The following PCSK5 variants were observed in gnomAD, a reference collection of about 807,000 sequenced individuals.
PCSK5 encodes prohormone convertase 5.
A neutral mutation model predicts 233.2 loss-of-function variants in PCSK5; 129 were observed. The ratio of observed to expected loss-of-function variants is 0.55; its 90% CI spans 0.48 to 0.64. PCSK5 has a LOEUF of 0.64. Among genes scored for constraint, PCSK5 ranks in the 30% least tolerant of loss-of-function variants. The pLI is 0.00. For synonymous variants in PCSK5, 825 were observed against 879.2 expected (o/e 0.94, Z 1.09); for missense variants, 2,076 against 2,430.1 (o/e 0.85, Z 3.06).
At chr9:76,320,606 T>C (rs1829169527) in intron 30 of PCSK5, among the ~76,000 whole-genome samples, 1 of 149,642 alleles carries the variant, frequency 6.7e-6, no homozygotes, top group African/African-American at 2.5e-5. Flanking sequence ...CCCGAGTAGC[T>C]GGGACTACAG....
chr9:75,947,722 GAAGA>G (rs949322367), intron 2 of PCSK5, among the ~76,000 whole-genome samples: 10 of 152,270 alleles, frequency 6.6e-5, no homozygotes, highest in African/African-American at 2.4e-4. Flanking sequence ...AGAGAAAAAA[GAAGA>G]TAGAAACTTT....
chr9:76,066,978 G>A (rs1179092539), intron 5 of PCSK5, among the ~76,000 whole-genome samples: 2 of 152,166 alleles, frequency 1.3e-5, no homozygotes, highest in African/African-American at 4.8e-5. Flanking sequence ...CATTAGCAAT[G>A]ACAGATAAAC....
intron 7 of PCSK5, among the ~76,000 whole-genome samples, chr9:76,075,197 G>A (rs530892173): frequency 6.6e-6 from 1 of 151,866 alleles, no homozygotes; most frequent in South Asian, 2.1e-4. Flanking sequence ...TCCAGCCTGG[G>A]CAACAGAGTA....
At chr9:75,892,155 G>A (rs915689958) in intron 1 of PCSK5, among the ~76,000 whole-genome samples, 1 of 152,180 alleles carries the variant, frequency 6.6e-6, no homozygotes, top group Non-Finnish European at 1.5e-5. Context: ...CGTGGGGCGA[G>A]AGTTGGGCAG....
intron 23 of PCSK5, among the ~76,000 whole-genome samples, chr9:76,239,573 A>T (rs71509859): frequency 0.13 from 20,167 of 151,574 alleles, 1,452 homozygotes; most frequent in African/African-American, 0.17. Flanking sequence ...TTGCATGCCT[A>T]TAATCCCAGC....
intron 35 of PCSK5, among the ~76,000 whole-genome samples, chr9:76,339,561 T>C (rs1202485650): frequency 6.6e-6 from 1 of 152,186 alleles, no homozygotes; most frequent in Non-Finnish European, 1.5e-5. Flanking sequence ...TTTGTTTGTT[T>C]TGAGATGGAG....
At chr9:76,204,680 A>C (rs1210297673) in intron 20 of PCSK5, among the ~76,000 whole-genome samples, 1 of 152,008 alleles carries the variant, frequency 6.6e-6, no homozygotes, top group Non-Finnish European at 1.5e-5. Flanking sequence ...GCAGGAGTGC[A>C]TTTGCTTTTT....
At chr9:76,063,348 T>TTTTTA (rs1564004101) in intron 5 of PCSK5, among the ~76,000 whole-genome samples, 1 of 90,714 alleles carries the variant, frequency 1.1e-5, no homozygotes, top group African/African-American at 4.6e-5. Flanking sequence ...TTTTTTTTTT[T>TTTTTA]ATTGATAATT....
At chr9:76,178,278 C>T (rs1823703824) in intron 14 of PCSK5, among the ~76,000 whole-genome samples, 2 of 152,148 alleles carry the variant, frequency 1.3e-5, no homozygotes, top group Admixed American at 6.5e-5. Flanking sequence ...GCAGTGCTGT[C>T]AAATGACTCT....
intron 33 of PCSK5, among the ~76,000 whole-genome samples, chr9:76,329,027 C>A (rs1829453568): frequency 6.8e-6 from 1 of 148,116 alleles, no homozygotes; most frequent in Non-Finnish European, 1.5e-5. Flanking sequence ...CCATGTTGGC[C>A]AGGCTGGTCT....
At chr9:76,248,246 T>C (rs1296811556) in intron 24 of PCSK5, among the ~76,000 whole-genome samples, 2 of 152,208 alleles carry the variant, frequency 1.3e-5, no homozygotes, top group Non-Finnish European at 2.9e-5. Context: ...TGTATCTTTC[T>C]AGTTATGATT....
rs754589178 is a variant in PCSK5 at position 76,027,064 on chromosome 9, C to T, written c.632+27C>T. 18 of 1,502,958 alleles carry T rather than the reference C, an allele frequency of 1.2e-5. No homozygotes were observed. In the South Asian group the frequency reaches 2.1e-4, roughly 17 times the overall value. The allele number at this position is 1,502,958 out of a possible 1,614,324, so 93.1% of individuals were successfully genotyped here. A position where few individuals can be genotyped will look rare whatever the true frequency, so the allele number is the denominator to read the frequency against. On this transcript the variant is annotated intron_variant, in intron 5 of 37. Transcript: ENST00000674117. ...TAAGGCCCAAGTGAGGGGTGGCTGGCATGTGGCTGGCAAGGAGCTTTGTTT... is the reference window on the plus strand; with the variant it reads ...TAAGGCCCAAGTGAGGGGTGGCTGGTATGTGGCTGGCAAGGAGCTTTGTTT...
chr9:76,208,373 C>T (rs1289805784), intron 20 of PCSK5, among the ~76,000 whole-genome samples: 1 of 152,158 alleles, frequency 6.6e-6, no homozygotes, highest in East Asian at 1.9e-4. Flanking sequence ...TAAAGAGGCC[C>T]TTCTCAGTAT....
intron 2 of PCSK5, among the ~76,000 whole-genome samples, chr9:75,984,292 T>C (rs773953595): frequency 5.3e-5 from 8 of 152,202 alleles, no homozygotes; most frequent in Non-Finnish European, 8.8e-5. Flanking sequence ...GGAACTGTTA[T>C]CCACTCCCAC....
chr9:76,059,912 A>C (rs1411497209), intron 5 of PCSK5, among the ~76,000 whole-genome samples: 1 of 152,220 alleles, frequency 6.6e-6, no homozygotes, highest in Admixed American at 6.5e-5. Context: ...AGACAGTGGA[A>C]TGACACTTTT....
chr9:76,213,480 C>T (rs1335948435), intron 20 of PCSK5, among the ~76,000 whole-genome samples: 2 of 152,110 alleles, frequency 1.3e-5, no homozygotes, highest in East Asian at 1.9e-4. Flanking sequence ...TCTGATGGCT[C>T]AATTTTCTGG....
intron 7 of PCSK5, among the ~76,000 whole-genome samples, chr9:76,087,834 T>C (rs940083124): frequency 6.6e-6 from 1 of 152,126 alleles, no homozygotes; most frequent in Admixed American, 6.5e-5. Context: ...AAAAGATAGA[T>C]TGGTGAGGTT....
chr9:76,285,504 G>A (rs1387763333), intron 24 of PCSK5, among the ~76,000 whole-genome samples: 30 of 152,120 alleles, frequency 2.0e-4, no homozygotes, highest in Non-Finnish European at 7.4e-5. Context: ...AACCTAGTAG[G>A]TTCTTGCAGT....
chr9:76,049,509 G>A (rs10122148), intron 5 of PCSK5, among the ~76,000 whole-genome samples: 14,026 of 152,212 alleles, frequency 0.092, 2,076 homozygotes, highest in African/African-American at 0.31. Flanking sequence ...TGGTAACAAG[G>A]AAACTCAGTG....
Sources: gnomAD v4.1 joint callset for allele counts (sites outside exome capture counted in the v4.1 genomes callset) on GRCh38, gnomAD v4.1.1 for gene constraint, MANE v1.5 for transcripts, NCBI Gene and HGNC (gene_info 2026-07-23, HGNC 2026-07-21) for gene names.